Variants in RGS5 observed in about 807,000 individuals in gnomAD.
RGS5 encodes regulator of G protein signaling 5.
A neutral mutation model predicts 18.9 loss-of-function variants in RGS5; 20 were observed. The observed-to-expected ratio is 1.06, with a 90% CI of 0.74 to 1.54. The LOEUF (loss-of-function observed/expected upper bound fraction) is 1.54, where lower values mean the gene tolerates loss of function less well. RGS5 is among the 40% of genes most tolerant of loss of function. The pLI is 0.00. For synonymous variants in RGS5, 57 were observed against 76.2 expected, an observed-to-expected ratio of 0.75 and a Z score of 1.31; for missense variants, 201 against 211.8, an observed-to-expected ratio of 0.95 and a Z score of 0.32.
chr1:163,290,893 C>A (rs1364581704), intron 2 of RGS5, among the ~76,000 whole-genome samples: 1 of 151,990 alleles, frequency 6.6e-6, no homozygotes, highest in East Asian at 1.9e-4. Context: ...GAAGTAAATT[C>A]TTTGGATTTA....
intron 1 of RGS5, among the ~76,000 whole-genome samples, chr1:163,190,163 G>T (rs1659282349): frequency 6.6e-6 from 1 of 152,046 alleles, no homozygotes; most frequent in Non-Finnish European, 1.5e-5. Flanking sequence ...TCAAGCCCAA[G>T]CAATATAGAG....
chr1:163,309,209 G>A (rs547772476), intron 1 of RGS5, among the ~76,000 whole-genome samples: 4 of 152,272 alleles, frequency 2.6e-5, no homozygotes, highest in East Asian at 1.9e-4. Flanking sequence ...AAAAAAAAGC[G>A]GGGGTGGTGG....
chr1:163,185,290 A>T (rs1485427557), intron 1 of RGS5, among the ~76,000 whole-genome samples: 1 of 152,132 alleles, frequency 6.6e-6, no homozygotes, highest in Non-Finnish European at 1.5e-5. Context: ...GGAGTCTTGC[A>T]TATGGGAGTC....
chr1:163,203,052 C>A (rs1457671554), upstream of RGS5: 3 of 529,310 alleles, frequency 5.7e-6, no homozygotes, highest in African/African-American at 5.7e-5. Context: ...AGGAGGGAAT[C>A]CTTTCTCTGC....
intron 2 of RGS5, chr1:163,238,362 G>A (rs1395148837): frequency 6.6e-6 from 1 of 152,082 alleles, no homozygotes; most frequent in African/African-American, 2.4e-5. Context: ...AAATCCAAAT[G>A]TTTTCTTTTA....
chr1:163,159,170 AAC>A (rs1488743800), intron 3 of RGS5, among the ~76,000 whole-genome samples: 4 of 152,198 alleles, frequency 2.6e-5, no homozygotes, highest in African/African-American at 9.6e-5. Context: ...ATAGTGTTCA[AAC>A]ACACATGCTC....
At chr1:163,168,124 C>T (rs1658133865) in intron 2 of RGS5, 134 bp downstream of exon 2, 1 of 601,726 alleles carries the variant, frequency 1.7e-6, no homozygotes. Context: ...CTTTGCAAAC[C>T]AACTCTCTGA....
At chr1:163,157,099 G>A (rs1420328094) in intron 3 of RGS5, among the ~76,000 whole-genome samples, 1 of 152,100 alleles carries the variant, frequency 6.6e-6, no homozygotes, top group Non-Finnish European at 1.5e-5. Flanking sequence ...ATTTCCCATG[G>A]ACAAATCTAA....
chr1:163,272,043 T>G (rs554715717), intron 2 of RGS5, among the ~76,000 whole-genome samples: 1 of 152,046 alleles, frequency 6.6e-6, no homozygotes, highest in East Asian at 1.9e-4. Flanking sequence ...TCTCCCTCTC[T>G]CTCTCTTTTT....
intron 3 of RGS5, among the ~76,000 whole-genome samples, chr1:163,161,182 T>C (rs1481126448): frequency 6.6e-6 from 1 of 152,200 alleles, no homozygotes; most frequent in Non-Finnish European, 1.5e-5. Flanking sequence ...GGATTATATG[T>C]AGAAATCCTA....
At chr1:163,272,305 C>A (rs12756999) in intron 2 of RGS5, among the ~76,000 whole-genome samples, 35,917 of 151,948 alleles carry the variant, frequency 0.24, 4,365 homozygotes, top group Non-Finnish European at 0.26. Flanking sequence ...ATGCTGGATA[C>A]AAGTCCTTTT....
At chr1:163,314,869 C>G (rs1649974685) in intron 1 of RGS5, among the ~76,000 whole-genome samples, 1 of 152,168 alleles carries the variant, frequency 6.6e-6, no homozygotes, top group African/African-American at 2.4e-5. Flanking sequence ...AAAGCAAGCC[C>G]TCACCAGACA....
At chr1:163,166,816 T>C (rs546794600) in intron 2 of RGS5, among the ~76,000 whole-genome samples, 50 of 152,356 alleles carry the variant, frequency 3.3e-4, no homozygotes, top group Admixed American at 2.8e-3. Flanking sequence ...TCTATGTGAA[T>C]GTTAAAGCAG....
At chr1:163,280,956 A>C (rs1352161981) in intron 2 of RGS5, among the ~76,000 whole-genome samples, 1 of 152,152 alleles carries the variant, frequency 6.6e-6, no homozygotes, top group Non-Finnish European at 1.5e-5. Flanking sequence ...ATCCCCACCC[A>C]AATCTAATCC....
chr1:163,275,064 T>C (rs1408320283), intron 2 of RGS5, among the ~76,000 whole-genome samples: 3 of 152,168 alleles, frequency 2.0e-5, no homozygotes, highest in African/African-American at 4.8e-5. Context: ...TGCAGTGAGC[T>C]GTGATCATGC....
chr1:163,166,496 GA>G (rs1401086031), intron 2 of RGS5, among the ~76,000 whole-genome samples: 1 of 152,128 alleles, frequency 6.6e-6, no homozygotes, highest in Non-Finnish European at 1.5e-5. Context: ...GAGAGAGATG[GA>G]GCTTATGCAG....
intron 2 of RGS5, among the ~76,000 whole-genome samples, chr1:163,254,261 C>T (rs1207132757): frequency 6.7e-6 from 1 of 149,604 alleles, no homozygotes; most frequent in Non-Finnish European, 1.5e-5. Context: ...GTTTACAGTC[C>T]CACCAACAGT....
At chr1:163,282,506 C>A (rs1001763073) in intron 2 of RGS5, among the ~76,000 whole-genome samples, 2 of 151,866 alleles carry the variant, frequency 1.3e-5, no homozygotes, top group African/African-American at 2.4e-5. Context: ...GCCAGAAGTT[C>A]AAAACAAGCA....
At chr1:163,270,104 A>G (rs1648678060) in intron 2 of RGS5, among the ~76,000 whole-genome samples, 1 of 152,122 alleles carries the variant, frequency 6.6e-6, no homozygotes, top group Non-Finnish European at 1.5e-5. Context: ...TAAGTAGTAT[A>G]TAACTATTTA....
Sources: allele counts gnomAD v4.1 joint callset (sites outside exome capture counted in the v4.1 genomes callset), GRCh38; gene constraint gnomAD v4.1.1; transcripts MANE v1.5; gene names NCBI Gene and HGNC (gene_info 2026-07-23, HGNC 2026-07-21).